VMP1: variants seen among roughly 807,000 people sequenced by gnomAD.
VMP1 encodes the protein vacuole membrane protein 1, also known as ectopic P-granules autophagy protein 3 homolog.
A neutral mutation model predicts 56.0 loss-of-function variants in VMP1; 11 were observed. The ratio of observed to expected loss-of-function variants is 0.20; its 90% CI spans 0.12 to 0.32. The LOEUF (loss-of-function observed/expected upper bound fraction) is 0.32. Among genes scored for constraint, VMP1 ranks in the 10% least tolerant of loss-of-function variants. The probability of loss-of-function intolerance (pLI) is 1.00; values close to 1 mark genes in which losing one functional copy is unlikely to be tolerated. For synonymous variants in VMP1, 149 were observed against 165.0 expected (o/e 0.90, Z 0.74); for missense variants, 296 against 490.3 (o/e 0.60, Z 3.74).
At chr17:59,802,092 T>C (rs1444654722) in intron 7 of VMP1, among the ~76,000 whole-genome samples, 2 of 151,674 alleles carry the variant, frequency 1.3e-5, no homozygotes, top group African/African-American at 4.8e-5. Flanking sequence ...TCCTAGGTAC[T>C]CTGGAGTTTG....
chr17:59,738,444 A>G (rs1433278821), intron 4 of VMP1, among the ~76,000 whole-genome samples: 1 of 152,250 alleles, frequency 6.6e-6, no homozygotes, highest in Non-Finnish European at 1.5e-5. Flanking sequence ...AAATGACTCT[A>G]GAATGGTATT....
At chr17:59,811,856 C>G in intron 9 of VMP1, 70 bp downstream of exon 9, 1 of 1,080,122 alleles carries the variant, frequency 9.3e-7, no homozygotes. Context: ...CATGCTCATT[C>G]CTAAGTGAAT....
intron 1 of VMP1, among the ~76,000 whole-genome samples, chr17:59,722,265 A>T (rs757561254): frequency 6.6e-6 from 1 of 152,170 alleles, no homozygotes; most frequent in Non-Finnish European, 1.5e-5. Flanking sequence ...TGGGAGCATG[A>T]ACTCAAAGGT....
intron 1 of VMP1, among the ~76,000 whole-genome samples, chr17:59,717,464 C>A (rs1312159423): frequency 2.0e-5 from 3 of 151,856 alleles, no homozygotes; most frequent in African/African-American, 7.3e-5. Flanking sequence ...CCCACTGCAA[C>A]CTCCACCTCC....
chr17:59,771,868 A>C (rs551815977), intron 6 of VMP1, among the ~76,000 whole-genome samples: 2 of 152,166 alleles, frequency 1.3e-5, no homozygotes, highest in African/African-American at 4.8e-5. Context: ...GGTGCGAGCC[A>C]TGACGTCTGA....
chr17:59,794,858 A>G (rs944299307), intron 7 of VMP1, among the ~76,000 whole-genome samples: 1 of 151,968 alleles, frequency 6.6e-6, no homozygotes, highest in African/African-American at 2.4e-5. Context: ...ATAGTGAAAT[A>G]ATCATTACAG....
chr17:59,732,212 G>A (rs1207719889), intron 2 of VMP1, among the ~76,000 whole-genome samples: 1 of 152,090 alleles, frequency 6.6e-6, no homozygotes, highest in African/African-American at 2.4e-5. Flanking sequence ...TAGAGGAAGT[G>A]CAAGGAATCT....
intron 1 of VMP1, among the ~76,000 whole-genome samples, chr17:59,717,736 A>AATTTTAG (rs1203843966): frequency 6.6e-6 from 1 of 152,188 alleles, no homozygotes; most frequent in Non-Finnish European, 1.5e-5. Context: ...CCTGACCAAC[A>AATTTTAG]TGGAGAAACC....
chr17:59,775,672 AG>A (rs1192019047), intron 7 of VMP1, among the ~76,000 whole-genome samples: 2 of 152,220 alleles, frequency 1.3e-5, no homozygotes, highest in African/African-American at 2.4e-5. Context: ...TCAGCAGTTC[AG>A]ACTTGCCTTT....
At chr17:59,815,739 C>T (rs1272021035) in intron 9 of VMP1, among the ~76,000 whole-genome samples, 1 of 151,884 alleles carries the variant, frequency 6.6e-6, no homozygotes, top group East Asian at 1.9e-4. Flanking sequence ...CGCCTGTAGT[C>T]CCAGCTACTC....
intron 7 of VMP1, among the ~76,000 whole-genome samples, chr17:59,775,941 T>C (rs1325721746): frequency 2.6e-5 from 4 of 152,128 alleles, no homozygotes; most frequent in Non-Finnish European, 4.4e-5. Flanking sequence ...CAGATAGGCT[T>C]TTTAAAAATG....
At chr17:59,837,595 T>C (rs1359301859) in intron 10 of VMP1, 1 of 152,250 alleles carries the variant, frequency 6.6e-6, no homozygotes, top group Non-Finnish European at 1.5e-5. Flanking sequence ...CTGGAGTTTC[T>C]GTGCAAACTG....
intron 6 of VMP1, among the ~76,000 whole-genome samples, chr17:59,772,947 A>G (rs1012708197): frequency 1.4e-5 from 1 of 70,592 alleles, no homozygotes; most frequent in Non-Finnish European, 2.8e-5. Flanking sequence ...ATACTGGTGA[A>G]TTCTTTTTTT....
chr17:59,732,534 C>T (rs150801702), intron 2 of VMP1, among the ~76,000 whole-genome samples: 2,060 of 129,728 alleles, frequency 0.016, 40 homozygotes, highest in African/African-American at 0.048. Context: ...TGAGCCACCG[C>T]GCCCGGCCTC....
intron 7 of VMP1, among the ~76,000 whole-genome samples, chr17:59,788,804 T>TAAAA (rs10640460): frequency 1.5e-4 from 21 of 138,690 alleles, no homozygotes; most frequent in African/African-American, 5.5e-4. Flanking sequence ...AGACTCCATC[T>TAAAA]AAAAAAAAAA....
In VMP1 at chr17:59,788,804, T is replaced by TAAA. The variant is rs10640460; in HGVS notation, c.714+14932_714+14934dup. Among the ~76,000 whole-genome samples the TAAA allele has an allele frequency of 2.8e-3, 390 of 138,682 alleles. 4 individuals are homozygous for TAAA. Among genetic ancestry groups the TAAA allele is most frequent in the African/African-American group, 9.0e-3 (342 of 37,900 alleles). The allele number at this position is 138,682 out of a possible 152,430, so 91.0% of individuals were successfully genotyped here. A position where few individuals can be genotyped will look rare whatever the true frequency, so the allele number is the denominator to read the frequency against. On this transcript the variant is annotated intron_variant, in intron 7 of 11. Coordinates refer to ENST00000262291, the MANE Select transcript of VMP1 (RefSeq NM_030938.5). ...CTGGGCAACAGAGCTAGACTCCATC[T>TAAA]AAAAAAAAAAAAAAAGAAAGAAAGA...
At chr17:59,778,928 G>A (rs958291570) in intron 7 of VMP1, among the ~76,000 whole-genome samples, 2 of 152,202 alleles carry the variant, frequency 1.3e-5, no homozygotes, top group Admixed American at 1.3e-4. Flanking sequence ...TAGCAGCAGT[G>A]AGCCACAGCT....
intron 7 of VMP1, among the ~76,000 whole-genome samples, chr17:59,802,191 C>A (rs1348878735): frequency 6.6e-6 from 1 of 151,832 alleles, no homozygotes. Flanking sequence ...CAGAGCGAGA[C>A]CCTGTCTCAA....
At chr17:59,760,535 C>T (rs1469333964) in intron 5 of VMP1, among the ~76,000 whole-genome samples, 1 of 152,050 alleles carries the variant, frequency 6.6e-6, no homozygotes, top group Non-Finnish European at 1.5e-5. Flanking sequence ...GTTTTTAAGA[C>T]TTTTCCTCTT....
Sources: allele counts gnomAD v4.1 joint callset (sites outside exome capture counted in the v4.1 genomes callset), GRCh38; gene constraint gnomAD v4.1.1; transcripts MANE v1.5; gene names NCBI Gene and HGNC (gene_info 2026-07-23, HGNC 2026-07-21).